SYCE1: variants seen among roughly 807,000 people sequenced by gnomAD.
SYCE1 encodes the protein cancer/testis antigen 76.
In SYCE1, 37 loss-of-function variants were observed where a neutral mutation model predicts 55.1. That is an observed-to-expected ratio of 0.67 (90% CI 0.52 to 0.88). The LOEUF (loss-of-function observed/expected upper bound fraction) is 0.88, where lower values mean the gene tolerates loss of function less well. Ranked by LOEUF, SYCE1 falls within the 40% of genes least tolerant of loss-of-function variation. The pLI is 0.00. For synonymous variants in SYCE1, 163 were observed against 159.4 expected, an observed-to-expected ratio of 1.02 and a Z score of -0.17; for missense variants, 399 against 416.4, an observed-to-expected ratio of 0.96 and a Z score of 0.36.
At chr10:133,554,206 T>C, downstream of SYCE1, 7 of 1,265,992 alleles carry the variant, frequency 5.5e-6, no homozygotes, top group East Asian at 2.3e-5. Context: ...AGAACTCGTC[T>C]GTCCTGGACT....
intron 10 of SYCE1, 28 bp from the exon 11 acceptor site, chr10:133,555,735 C>T (rs764090047): frequency 1.2e-6 from 2 of 1,608,268 alleles, no homozygotes; most frequent in South Asian, 1.1e-5. Flanking sequence ...GGGTGGTCAG[C>T]ACCGGCCACT....
At chr10:133,564,300 A>G in intron 1 of SYCE1, 1 of 791,184 alleles carries the variant, frequency 1.3e-6, no homozygotes, top group Non-Finnish European at 1.5e-6. Context: ...GCTGAATTGC[A>G]CCTTGATCTT....
At chr10:133,557,011 C>T in intron 7 of SYCE1, 56 bp downstream of exon 7, 1 of 1,559,120 alleles carries the variant, frequency 6.4e-7, no homozygotes, top group Non-Finnish European at 8.8e-7. Flanking sequence ...CCATCTTTGA[C>T]ATTATATCCC....
rs376229958 is a variant in SYCE1 at position 133,555,385 on chromosome 10, C to T, written c.884G>A (p.Ser295Asn). 80 of 1,614,054 alleles carry T rather than the reference C, an allele frequency of 5.0e-5. No individual in the cohort carries two copies. In the African/African-American group the frequency reaches 7.7e-4, roughly 16 times the overall value. ...TGGGCCAGCCTCTTCCTCTTGTGTGCTCTGGGCTTGGGCAGGGACTTGCAT... is the reference window on the plus strand; with the variant it reads ...TGGGCCAGCCTCTTCCTCTTGTGTGTTCTGGGCTTGGGCAGGGACTTGCAT... ...HGMQVPAQAQ[S>N]TQEEEAGPGD... The change falls in exon 12 of 13, where the codon AGC (serine) becomes AAC (asparagine). Residue 295 changes from serine (S) to asparagine (N), a missense_variant. Transcript: ENST00000343131.
At chr10:133,556,320 T>C (rs1007759175) in intron 8 of SYCE1, 3 of 566,412 alleles carry the variant, frequency 5.3e-6, no homozygotes, top group Non-Finnish European at 9.4e-6. Flanking sequence ...CTGTGAGTCT[T>C]GGCTGTTTTC....
chr10:133,561,214 G>C lies in SYCE1; in HGVS notation c.74-1061C>G, dbSNP rs1589969684. On this transcript the variant is annotated intron_variant, in intron 1 of 12. Coordinates refer to ENST00000343131, the MANE Select transcript of SYCE1 (RefSeq NM_001143764.3). ...TTTGGTAAAATAAACTTCCTAAATTGACTGAGACCTGTCTCAGATTTTTGG... is the reference window on the plus strand; with the variant it reads ...TTTGGTAAAATAAACTTCCTAAATTCACTGAGACCTGTCTCAGATTTTTGG... 7 of 152,268 alleles carry C rather than the reference G, an allele frequency of 4.6e-5. 1 individual carries two copies. In the South Asian group the frequency reaches 1.5e-3, roughly 32 times the overall value. The allele number at this position is 152,268 out of a possible 1,614,324, so 9.4% of individuals were successfully genotyped here.
downstream of SYCE1, chr10:133,554,588 C>A: frequency 2.9e-6 from 2 of 680,920 alleles, no homozygotes; most frequent in Non-Finnish European, 2.7e-6. Flanking sequence ...CCAGTGGGGA[C>A]TACCATATGG....
chr10:133,560,017 G>A, intron 2 of SYCE1, 74 bp downstream of exon 2: 1 of 1,256,742 alleles, frequency 8.0e-7, no homozygotes, highest in Middle Eastern at 1.9e-4. Context: ...CGTACATTGT[G>A]GGGCCTGAAA....
intron 11 of SYCE1, 24 bp downstream of exon 11, chr10:133,555,573 C>T (rs770167184): frequency 3.4e-5 from 54 of 1,600,972 alleles, no homozygotes; most frequent in East Asian, 6.7e-5. Context: ...GTGGGGGTTG[C>T]GGGGACAGGG....
At chr10:133,562,416 T>C (rs1851838088) in intron 1 of SYCE1, among the ~76,000 whole-genome samples, 1 of 152,070 alleles carries the variant, frequency 6.6e-6, no homozygotes, top group African/African-American at 2.4e-5. Flanking sequence ...AATGCTATTT[T>C]CTTCATATAG....
intron 1 of SYCE1, chr10:133,560,622 A>T (rs1291878131): frequency 6.6e-6 from 1 of 152,456 alleles, no homozygotes; most frequent in East Asian, 1.9e-4. Flanking sequence ...ACATACAACC[A>T]ATACTAACCC....
At chr10:133,559,884 G>A (rs943770691) in intron 2 of SYCE1, 11 of 563,582 alleles carry the variant, frequency 2.0e-5, no homozygotes, top group Middle Eastern at 4.2e-4. Flanking sequence ...ACAGGGTTTT[G>A]GGAAAACATT....
At chr10:133,564,560 G>A (rs1299653294) in intron 1 of SYCE1, 1 of 359,242 alleles carries the variant, frequency 2.8e-6, no homozygotes, top group Admixed American at 6.5e-5. Flanking sequence ...TCTCACTGTA[G>A]GGATGCTTTC....
intron 6 of SYCE1, 83 bp from the exon 7 acceptor site, chr10:133,557,239 G>A (rs573871560): frequency 1.7e-6 from 2 of 1,174,964 alleles, no homozygotes; most frequent in African/African-American, 1.5e-5. Context: ...TCCCTCTATT[G>A]AGGCTATTTT....
At chr10:133,554,713 G>A (rs777397710), downstream of SYCE1, 1 of 833,374 alleles carries the variant, frequency 1.2e-6, no homozygotes, top group East Asian at 2.8e-5. Context: ...ATAATCACAA[G>A]GTATGTGTAT....
At chr10:133,554,322 T>G (rs773987975), downstream of SYCE1, 7 of 1,614,128 alleles carry the variant, frequency 4.3e-6, no homozygotes, top group East Asian at 1.3e-4. Flanking sequence ...CTACCTGGTC[T>G]GGGAGCCTGT....
intron 9 of SYCE1, 33 bp from the exon 10 acceptor site, chr10:133,555,936 G>C: frequency 6.2e-7 from 1 of 1,613,698 alleles, no homozygotes; most frequent in African/African-American, 1.3e-5. Context: ...AGCACATGAA[G>C]GCACGTGAGG....
chr10:133,567,041 C>T (rs901839846), upstream of SYCE1, among the ~76,000 whole-genome samples: 5 of 150,560 alleles, frequency 3.3e-5, no homozygotes, highest in Admixed American at 1.3e-4. Context: ...TAGGGGTAGG[C>T]ATAGGTTCGA....
At chr10:133,567,052 G>A (rs1036752811), upstream of SYCE1, among the ~76,000 whole-genome samples, 37 of 151,752 alleles carry the variant, frequency 2.4e-4, no homozygotes, top group Non-Finnish European at 1.5e-5. Flanking sequence ...ATAGGTTCGA[G>A]TTTGGGTTTG....
Sources: gnomAD v4.1 joint callset for allele counts (sites outside exome capture counted in the v4.1 genomes callset) on GRCh38, gnomAD v4.1.1 for gene constraint, MANE v1.5 for transcripts, NCBI Gene and HGNC (gene_info 2026-07-23, HGNC 2026-07-21) for gene names.